Variants in ADCY8 observed in about 807,000 individuals in gnomAD.
The protein encoded by ADCY8 is adenylate cyclase 8.
A neutral mutation model predicts 119.7 loss-of-function variants in ADCY8; 51 were observed. That is an observed-to-expected ratio of 0.43 (90% CI 0.34 to 0.54). ADCY8 has a LOEUF of 0.54. Among genes scored for constraint, ADCY8 ranks in the 20% least tolerant of loss-of-function variants. The pLI is 0.03. For missense variants in ADCY8, 1,383 were observed against 1,598.8 expected (o/e 0.87, Z 2.30); for synonymous variants, 665 against 651.0 (o/e 1.02, Z -0.33).
chr8:131,011,978 CA>C (rs1439559423), intron 1 of ADCY8, among the ~76,000 whole-genome samples: 1 of 152,142 alleles, frequency 6.6e-6, no homozygotes, highest in Admixed American at 6.5e-5. Flanking sequence ...ATACATGAGT[CA>C]GGGGAACAAG....
chr8:130,804,984 C>A (rs1041585981), intron 14 of ADCY8, among the ~76,000 whole-genome samples: 1 of 151,970 alleles, frequency 6.6e-6, no homozygotes. Context: ...TGGCCTCCAG[C>A]GATCTACCCA....
intron 1 of ADCY8, among the ~76,000 whole-genome samples, chr8:131,019,941 G>A (rs1446879961): frequency 6.6e-6 from 1 of 151,722 alleles, no homozygotes; most frequent in Non-Finnish European, 1.5e-5. Flanking sequence ...TGTGACTTAA[G>A]AGAGAGCAGA....
intron 14 of ADCY8, among the ~76,000 whole-genome samples, chr8:130,811,734 G>T (rs1247790583): frequency 6.6e-6 from 1 of 152,214 alleles, no homozygotes; most frequent in East Asian, 1.9e-4. Flanking sequence ...CAAGGGTGAT[G>T]TAGTCCCTGC....
intron 8 of ADCY8, among the ~76,000 whole-genome samples, chr8:130,882,499 A>C (rs555781995): frequency 2.0e-5 from 3 of 152,242 alleles, no homozygotes; most frequent in African/African-American, 7.2e-5. Flanking sequence ...TCTTCTTCGT[A>C]CGAAACCCTG....
At chr8:130,963,918 T>A (rs1196727764) in intron 2 of ADCY8, among the ~76,000 whole-genome samples, 1 of 152,142 alleles carries the variant, frequency 6.6e-6, no homozygotes, top group Non-Finnish European at 1.5e-5. Context: ...ATTCTAGAAA[T>A]AAGAAATAAG....
intron 3 of ADCY8, 68 bp downstream of exon 3, chr8:130,951,800 G>A: frequency 6.3e-6 from 10 of 1,585,142 alleles, no homozygotes; most frequent in Non-Finnish European, 8.6e-6. Flanking sequence ...AGTCACGGAA[G>A]TGCAATGAGA....
intron 7 of ADCY8, among the ~76,000 whole-genome samples, chr8:130,895,706 A>G (rs896429194): frequency 2.0e-5 from 3 of 152,180 alleles, no homozygotes; most frequent in Admixed American, 6.5e-5. Flanking sequence ...GAAAATTTCC[A>G]AAGATTTCCA....
At chr8:130,831,067 T>C (rs1426722973) in intron 12 of ADCY8, among the ~76,000 whole-genome samples, 2 of 152,146 alleles carry the variant, frequency 1.3e-5, no homozygotes, top group African/African-American at 2.4e-5. Flanking sequence ...AAAACCACAT[T>C]AAATGTGAAG....
chr8:130,890,765 A>G (rs1234206623), intron 7 of ADCY8, among the ~76,000 whole-genome samples: 1 of 152,180 alleles, frequency 6.6e-6, no homozygotes, highest in Non-Finnish European at 1.5e-5. Flanking sequence ...TTCTGGGACC[A>G]GCACCTGGGC....
intron 2 of ADCY8, among the ~76,000 whole-genome samples, chr8:130,982,181 A>T (rs1232887481): frequency 6.6e-6 from 1 of 152,240 alleles, no homozygotes; most frequent in Non-Finnish European, 1.5e-5. Context: ...CTTTGAATGA[A>T]GTCAATTGTT....
At chr8:130,978,369 A>G (rs1822136791) in intron 2 of ADCY8, among the ~76,000 whole-genome samples, 1 of 152,212 alleles carries the variant, frequency 6.6e-6, no homozygotes, top group Non-Finnish European at 1.5e-5. Context: ...GAGTTCAACA[A>G]GAACATTCTC....
intron 5 of ADCY8, among the ~76,000 whole-genome samples, chr8:130,924,383 T>A (rs939822317): frequency 1.3e-5 from 2 of 152,204 alleles, no homozygotes; most frequent in African/African-American, 4.8e-5. Context: ...CTCATTCCCC[T>A]GGCACACAGG....
intron 9 of ADCY8, among the ~76,000 whole-genome samples, chr8:130,862,265 C>T (rs1293426209): frequency 1.3e-5 from 2 of 151,856 alleles, no homozygotes; most frequent in Non-Finnish European, 2.9e-5. Flanking sequence ...CTGTAGTTTC[C>T]CAAGGTAGAA....
In ADCY8 at chr8:130,925,039, C is replaced by CA. The variant is rs71304400; in HGVS notation, c.1481+12033dup. ...TGAAACCCAGTCTCTACTAAAAATA[C>CA]AAAAAAAAAAAAAAAATTAGCTGGG... On this transcript the variant is annotated intron_variant, in intron 5 of 17. Coordinates refer to ENST00000286355, the MANE Select transcript of ADCY8 (RefSeq NM_001115.3). Among the ~76,000 whole-genome samples the CA allele has an allele frequency of 5.1e-3, 696 of 137,398 alleles. 5 individuals are homozygous for CA. Among genetic ancestry groups the CA allele is most frequent in the Middle Eastern group, 7.2e-3 (2 of 276 alleles). The allele number at this position is 137,398 out of a possible 152,430, so 90.1% of individuals were successfully genotyped here.
intron 2 of ADCY8, among the ~76,000 whole-genome samples, chr8:130,958,841 T>C (rs1563745409): frequency 1.3e-5 from 2 of 152,234 alleles, no homozygotes; most frequent in Admixed American, 6.5e-5. Context: ...TAGGACTCAA[T>C]ATTTTTTAAT....
chr8:130,821,023 C>G (rs1345945251), intron 13 of ADCY8, among the ~76,000 whole-genome samples: 2 of 152,150 alleles, frequency 1.3e-5, no homozygotes, highest in Admixed American at 1.3e-4. Flanking sequence ...TAGCACACAA[C>G]TTTTGTAGTA....
At chr8:131,029,208 C>G (rs1823916503) in intron 1 of ADCY8, among the ~76,000 whole-genome samples, 1 of 152,242 alleles carries the variant, frequency 6.6e-6, no homozygotes, top group South Asian at 2.1e-4. Flanking sequence ...GCTTGATGAT[C>G]TGTCACTGTC....
chr8:130,896,761 C>A (rs909100444), intron 7 of ADCY8, among the ~76,000 whole-genome samples: 1 of 151,848 alleles, frequency 6.6e-6, no homozygotes, highest in Non-Finnish European at 1.5e-5. Flanking sequence ...TGTTTTAAGA[C>A]GGTTCACCAG....
At chr8:130,952,658 T>C (rs1233129287) in intron 2 of ADCY8, among the ~76,000 whole-genome samples, 2 of 152,186 alleles carry the variant, frequency 1.3e-5, no homozygotes, top group Non-Finnish European at 2.9e-5. Flanking sequence ...ATTGGATTTA[T>C]GTTTTAAAAG....
Sources: allele counts gnomAD v4.1 joint callset (sites outside exome capture counted in the v4.1 genomes callset), GRCh38; gene constraint gnomAD v4.1.1; transcripts MANE v1.5; gene names NCBI Gene and HGNC (gene_info 2026-07-23, HGNC 2026-07-21).